Variants in ABHD2 observed in about 807,000 individuals in gnomAD.
ABHD2 encodes the protein monoacylglycerol lipase ABHD2.
In ABHD2, 20 loss-of-function variants were observed where a neutral mutation model predicts 48.1. The observed-to-expected ratio is 0.42, with a 90% confidence interval of 0.29 to 0.60. ABHD2 has a LOEUF of 0.60. ABHD2 is among the 20% of genes least tolerant of loss of function. The pLI is 0.24. For missense variants in ABHD2, 405 were observed against 550.9 expected (o/e 0.74, Z 2.65); for synonymous variants, 209 against 214.2 (o/e 0.98, Z 0.21).
chr15:89,175,068 C>T lies in ABHD2; in HGVS notation c.539-744C>T, dbSNP rs536175112. On this transcript the variant is annotated intron_variant, in intron 5 of 10. Coordinates refer to ENST00000352732, the MANE Select transcript of ABHD2 (RefSeq NM_152924.5). This position sits in a 1 kb window ranked among gnomAD's most constrained non-coding sequence, Gnocchi z 5.7. ...CCCTCTGGACTGAAGTTTATCTTTC[C>T]TCTCCTTTCCAACTCTGTCAAGAAG... Among the ~76,000 whole-genome samples the T allele has an allele frequency of 1.1e-4, 17 of 152,304 alleles. No individual in the cohort carries two copies. Among genetic ancestry groups the T allele is most frequent in the South Asian group, 4.1e-4 (2 of 4,832 alleles).
the ABHD2 span, among the ~76,000 whole-genome samples, chr15:89,069,240 G>C: frequency 6.7e-6 from 1 of 149,762 alleles, no homozygotes; most frequent in Admixed American, 6.7e-5. Context: ...CAATCCTCCT[G>C]TCTCAGTCTC....
the ABHD2 span, among the ~76,000 whole-genome samples, chr15:89,060,640 T>A: frequency 6.6e-6 from 1 of 152,052 alleles, no homozygotes; most frequent in African/African-American, 2.4e-5. Context: ...CAAGTCCAGG[T>A]GTAATCTGTT....
At chr15:89,193,397 C>A in intron 10 of ABHD2, 78 bp downstream of exon 10, 2 of 1,191,660 alleles carry the variant, frequency 1.7e-6, no homozygotes, top group Non-Finnish European at 2.5e-6. Flanking sequence ...ACCATGCTGT[C>A]ATCTCCTGGA....
chr15:89,129,854 C>A (rs1401662689), intron 3 of ABHD2, among the ~76,000 whole-genome samples: 1 of 150,680 alleles, frequency 6.6e-6, no homozygotes, highest in East Asian at 1.9e-4. Flanking sequence ...TGTAAGAGTT[C>A]AGTAAATATA....
intron 3 of ABHD2, among the ~76,000 whole-genome samples, chr15:89,131,063 A>G (rs912858505): frequency 1.3e-5 from 2 of 152,100 alleles, no homozygotes; most frequent in African/African-American, 2.4e-5. Context: ...GAAGAATGCA[A>G]TAGCTTTCCC....
chr15:89,148,118 C>G (rs1317610190), intron 3 of ABHD2, among the ~76,000 whole-genome samples: 1 of 69,578 alleles, frequency 1.4e-5, no homozygotes, highest in Non-Finnish European at 2.8e-5. Flanking sequence ...GACTCCGTCT[C>G]AAAAAAAAAA....
At chr15:89,083,243 C>T (rs1901309035), upstream of ABHD2, among the ~76,000 whole-genome samples, 1 of 152,020 alleles carries the variant, frequency 6.6e-6, no homozygotes, top group Non-Finnish European at 1.5e-5. The surrounding 1 kb of genome is among the most constrained non-coding windows in gnomAD (Gnocchi z 5.1). Context: ...TAAAATAGCT[C>T]AATAACATAA....
At chr15:89,047,757 T>C in the ABHD2 span, among the ~76,000 whole-genome samples, 1 of 149,124 alleles carries the variant, frequency 6.7e-6, no homozygotes, top group East Asian at 1.9e-4. Context: ...TTGATAGATC[T>C]TCCTCCATAC....
intron 3 of ABHD2, among the ~76,000 whole-genome samples, chr15:89,144,986 G>A (rs2050467624): frequency 6.6e-6 from 1 of 152,226 alleles, no homozygotes; most frequent in South Asian, 2.1e-4. Context: ...GCCGGGCACA[G>A]TGGCTCACAC....
chr15:89,043,614 C>G, the ABHD2 span, among the ~76,000 whole-genome samples: 1 of 95,016 alleles, frequency 1.1e-5, no homozygotes, highest in Non-Finnish European at 2.0e-5. Flanking sequence ...GAGGAGGAGA[C>G]GAGGAGGCGG....
intron 4 of ABHD2, among the ~76,000 whole-genome samples, chr15:89,152,237 G>A (rs1268474623): frequency 6.6e-6 from 1 of 151,956 alleles, no homozygotes; most frequent in African/African-American, 2.4e-5. Context: ...CACCACGCTC[G>A]GCTAATTTTT....
At chr15:89,051,775 C>T in the ABHD2 span, among the ~76,000 whole-genome samples, 1 of 152,172 alleles carries the variant, frequency 6.6e-6, no homozygotes, top group Non-Finnish European at 1.5e-5. Flanking sequence ...GTGTCCCCAG[C>T]CATCTGGAAC....
chr15:89,092,550 C>T lies in ABHD2; in HGVS notation c.-107+3987C>T, dbSNP rs192165054. Among the ~76,000 whole-genome samples, 433 of 152,244 alleles carry T rather than the reference C, an allele frequency of 2.8e-3. 2 individuals are homozygous for T. Among genetic ancestry groups the T allele is most frequent in the African/African-American group, 8.4e-3 (347 of 41,522 alleles). ...ATGATGAAAGAAAATTTTTTAAAGG[C>T]ACAAAAGGTTAACTAGTAAATACAT... On this transcript the variant is annotated intron_variant, in intron 1 of 10. Coordinates refer to ENST00000352732, the MANE Select transcript of ABHD2 (RefSeq NM_152924.5). The surrounding 1 kb of genome is among the most constrained non-coding windows in gnomAD (Gnocchi z 4.4).
At chr15:89,147,285 T>A (rs1267913541) in intron 3 of ABHD2, among the ~76,000 whole-genome samples, 2 of 151,902 alleles carry the variant, frequency 1.3e-5, no homozygotes. Context: ...ATACATTTTT[T>A]AAAACTATAG....
intron 5 of ABHD2, among the ~76,000 whole-genome samples, chr15:89,157,688 G>A (rs918393481): frequency 5.7e-4 from 86 of 151,876 alleles, no homozygotes; most frequent in African/African-American, 1.9e-3. Flanking sequence ...CTAAAAATAC[G>A]AAAAAGTAGC....
In ABHD2 at chr15:89,094,257, C is replaced by T. The variant is rs2049576034; in HGVS notation, c.-107+5694C>T. ...TTCCTGCCTCAGCCTCTCATTTTAT[C>T]TTGGATAAAAGAGAAGCTTTGAAAG... On this transcript the variant is annotated intron_variant, in intron 1 of 10. Transcript: ENST00000352732. This position sits in a 1 kb window ranked among gnomAD's most constrained non-coding sequence, Gnocchi z 4.7. The T allele has an allele frequency of 6.6e-6, 1 of 152,128 alleles. No individual in the cohort carries two copies. Among genetic ancestry groups the T allele is most frequent in the South Asian group, 2.1e-4 (1 of 4,828 alleles). 9.4% of individuals were successfully genotyped at this position (152,128 alleles called of 1,614,324 possible).
chr15:89,099,193 T>C (rs2049661077), intron 1 of ABHD2, among the ~76,000 whole-genome samples: 1 of 152,246 alleles, frequency 6.6e-6, no homozygotes, highest in African/African-American at 2.4e-5. Context: ...TTCTGTGACA[T>C]GTTTGAGGAG....
In ABHD2 at chr15:89,184,237, G is replaced by A. The variant is rs1201012583; in HGVS notation, c.723-1187G>A. On this transcript the variant is annotated intron_variant, in intron 6 of 10. Transcript: ENST00000352732. The surrounding 1 kb of genome is among the most constrained non-coding windows in gnomAD (Gnocchi z 5.1). ...GGGAAATGTTTGTCACTCCAAAACT[G>A]TGGAATTTTGCCATTCTAAAATTGT... is the stretch of plus-strand genomic sequence containing the variant. Among the ~76,000 whole-genome samples the A allele has an allele frequency of 2.6e-5, 4 of 152,066 alleles. No individual in the cohort carries two copies. Among genetic ancestry groups the A allele is most frequent in the Non-Finnish European group, 5.9e-5 (4 of 68,028 alleles).
In ABHD2 at chr15:89,201,953, ATT is replaced by A; in HGVS notation, c.*6534_*6535del. ...TGTTGGCAGATCTGCTTCCAGATTG[ATT>A]TTTAGAGCACCATCACTTTCACATT... On this transcript the variant is annotated 3_prime_UTR_variant, in exon 11 of 11. Transcript: ENST00000352732. 7 of 499,140 alleles carry A rather than the reference ATT, an allele frequency of 1.4e-5. No homozygotes were observed. Among genetic ancestry groups the A allele is most frequent in the Admixed American group, 3.8e-5 (1 of 26,184 alleles). 30.9% of individuals were successfully genotyped at this position (499,140 alleles called of 1,614,324 possible). A position where few individuals can be genotyped will look rare whatever the true frequency, so the allele number is the denominator to read the frequency against.
Sources: gnomAD v4.1 joint callset for allele counts (sites outside exome capture counted in the v4.1 genomes callset) on GRCh38, gnomAD v4.1.1 for gene constraint, Gnocchi (gnomAD v3.1) non-coding constraint, MANE v1.5 for transcripts, NCBI Gene and HGNC (gene_info 2026-07-23, HGNC 2026-07-21) for gene names.